The following NCOA6 variants were observed in gnomAD, a reference collection of about 807,000 sequenced individuals.
NCOA6 encodes nuclear receptor coactivator 6.
In NCOA6, 49 loss-of-function variants were observed where a neutral mutation model predicts 171.4. The ratio of observed to expected loss-of-function variants is 0.29; its 90% CI spans 0.23 to 0.36. The LOEUF is 0.36. Among genes scored for constraint, NCOA6 ranks in the 10% least tolerant of loss-of-function variants. The pLI, the probability that NCOA6 is intolerant of heterozygous loss-of-function variation, is 1.00. For missense variants in NCOA6, 2,248 were observed against 2,554.5 expected (o/e 0.88, Z 2.59); for synonymous variants, 910 against 927.5 (o/e 0.98, Z 0.34).
chr20:34,746,372 TG>T (rs2145645492), intron 10 of NCOA6, among the ~76,000 whole-genome samples: 1 of 152,062 alleles, frequency 6.6e-6, no homozygotes, highest in African/African-American at 2.4e-5. Context: ...CCTGAGTAGC[TG>T]GGACTATAGG....
intron 14 of NCOA6, among the ~76,000 whole-genome samples, chr20:34,724,370 T>C (rs756823166): frequency 6.6e-6 from 1 of 152,208 alleles, no homozygotes; most frequent in African/African-American, 2.4e-5. Flanking sequence ...CGTGACATTC[T>C]TGCCTAGAGA....
At position 34,759,932 on chromosome 20, in the gene NCOA6, T is replaced by A. The variant is rs578081945; in HGVS notation, c.515-999A>T. ...GTTTGAGAACTCCTCTTTCTCCATA[T>A]CTGAAAATTTCTGATACTGCTAAAC... On this transcript the variant is annotated intron_variant, in intron 5 of 14. Coordinates refer to ENST00000359003, the MANE Select transcript of NCOA6 (RefSeq NM_014071.5). 5.1e-4 allele frequency among the ~76,000 whole-genome samples: 78 copies of A among 152,298 alleles called. 1 individual carries two copies. Among genetic ancestry groups the A allele is most frequent in the Non-Finnish European group, 8.2e-4 (56 of 68,024 alleles).
At chr20:34,774,593 A>C (rs1475736981) in intron 4 of NCOA6, among the ~76,000 whole-genome samples, 1 of 152,206 alleles carries the variant, frequency 6.6e-6, no homozygotes, top group Non-Finnish European at 1.5e-5. Context: ...GGTTTCATGG[A>C]GCAATTAGGT....
At chr20:34,813,094 G>C in intron 1 of NCOA6, among the ~76,000 whole-genome samples, 1 of 151,630 alleles carries the variant, frequency 6.6e-6, no homozygotes, top group East Asian at 1.9e-4. Context: ...GGGAGGAGGA[G>C]GTTGCAGTGA....
At chr20:34,783,662 T>C (rs1429523797) in intron 2 of NCOA6, among the ~76,000 whole-genome samples, 3 of 152,184 alleles carry the variant, frequency 2.0e-5, no homozygotes, top group African/African-American at 4.8e-5. Flanking sequence ...CTCACTTTTT[T>C]GCCCAGGCTG....
rs756756608 is a variant in NCOA6 at position 34,742,701 on chromosome 20, A to C, written c.3555T>G (p.Pro1185=). 1 of 1,614,066 alleles carries C rather than the reference A, an allele frequency of 6.2e-7. No individual in the cohort carries two copies. Among genetic ancestry groups the C allele is most frequent in the Non-Finnish European group, 8.5e-7 (1 of 1,180,006 alleles). The stretch of plus-strand genomic sequence containing the variant: ...CGTGAGAGCTGGGCAGGGAATTTAC[A>C]GGGGGTTGCTGGGGAGTTGCACCTT... The part of the protein sequence containing the change: ...ATQGATPQQP[P]VNSLPSSHGH... Residue 1185 remains proline, a synonymous_variant, in exon 11 of 15, where the codon CCT becomes CCG. Coordinates refer to ENST00000359003, the MANE Select transcript of NCOA6 (RefSeq NM_014071.5).
chr20:34,778,558 G>A (rs1192779932), intron 3 of NCOA6, among the ~76,000 whole-genome samples: 2 of 151,614 alleles, frequency 1.3e-5, no homozygotes, highest in African/African-American at 4.8e-5. Flanking sequence ...CTCCCGAGTA[G>A]CTGGGACTAT....
chr20:34,813,640 T>G (rs1008335219), intron 1 of NCOA6, among the ~76,000 whole-genome samples: 5 of 152,178 alleles, frequency 3.3e-5, no homozygotes, highest in Non-Finnish European at 7.3e-5. Flanking sequence ...CATAGTATCA[T>G]GATATCTTTA....
chr20:34,783,812 T>G (rs1033792615), intron 2 of NCOA6, among the ~76,000 whole-genome samples: 3 of 152,100 alleles, frequency 2.0e-5, no homozygotes, highest in African/African-American at 7.2e-5. Flanking sequence ...TTAGTAGAGA[T>G]GGGGTTTTGC....
intron 14 of NCOA6, among the ~76,000 whole-genome samples, chr20:34,718,627 TC>T (rs1171615765): frequency 6.6e-6 from 1 of 152,152 alleles, no homozygotes; most frequent in East Asian, 1.9e-4. Context: ...TGCCTCAGCC[TC>T]CCTAGTAGCT....
intron 3 of NCOA6, among the ~76,000 whole-genome samples, chr20:34,779,254 T>A (rs2077446189): frequency 6.6e-6 from 1 of 152,216 alleles, no homozygotes; most frequent in Non-Finnish European, 1.5e-5. Flanking sequence ...CGCATGTCCG[T>A]AATCCCAGCA....
chr20:34,817,451 T>C (rs2078879045), intron 1 of NCOA6, among the ~76,000 whole-genome samples: 1 of 152,060 alleles, frequency 6.6e-6, no homozygotes, highest in South Asian at 2.1e-4. Context: ...GGCCTTCTGC[T>C]TTATAGAGAT....
At chr20:34,787,160 A>C (rs2077711211) in intron 2 of NCOA6, among the ~76,000 whole-genome samples, 1 of 151,140 alleles carries the variant, frequency 6.6e-6, no homozygotes, top group African/African-American at 2.4e-5. Flanking sequence ...GTGCGCTTTC[A>C]GGTCTCCCCT....
chr20:34,818,701 T>TA (rs779740614), intron 1 of NCOA6, among the ~76,000 whole-genome samples: 91 of 152,352 alleles, frequency 6.0e-4, no homozygotes, highest in Admixed American at 1.1e-3. Context: ...TACCATTCTC[T>TA]AGTATCCCAG....
chr20:34,823,079 A>G (rs1186292789), intron 1 of NCOA6, among the ~76,000 whole-genome samples: 1 of 152,234 alleles, frequency 6.6e-6, no homozygotes, highest in African/African-American at 2.4e-5. Flanking sequence ...AAGTATATGC[A>G]TATTAGATTT....
intron 7 of NCOA6, 109 bp from the exon 8 acceptor site, chr20:34,754,977 T>G: frequency 9.1e-7 from 1 of 1,100,168 alleles, no homozygotes; most frequent in Non-Finnish European, 1.3e-6. Flanking sequence ...CTGGCTTAGC[T>G]CTCTCTGTCA....
At position 34,735,706 on chromosome 20, in the gene NCOA6, G is replaced by A. The variant is rs1003601407; in HGVS notation, c.5962+984C>T. On this transcript the variant is annotated intron_variant, in intron 12 of 14. Transcript: ENST00000359003. ...TAGGTGGCTGAAATGTTTTTTGCTC[G>A]CACACTATTTTCAGAGGCCTGATTT... 2.0e-5 allele frequency among the ~76,000 whole-genome samples: 3 copies of A among 151,604 alleles called. No homozygotes were observed. The Middle Eastern group carries it at 0.01, about 519-fold the overall frequency.
At chr20:34,750,631 A>G in intron 8 of NCOA6, 112 bp from the exon 9 acceptor site, 2 of 1,163,664 alleles carry the variant, frequency 1.7e-6, no homozygotes, top group Non-Finnish European at 2.3e-6. Context: ...ATATCCACTG[A>G]CCAACATAAA....
intron 1 of NCOA6, among the ~76,000 whole-genome samples, chr20:34,808,317 A>G (rs1325751914): frequency 6.6e-6 from 1 of 152,020 alleles, no homozygotes; most frequent in Non-Finnish European, 1.5e-5. Context: ...TTCTTAAATC[A>G]AAATATTTTT....
Sources: allele counts gnomAD v4.1 joint callset (sites outside exome capture counted in the v4.1 genomes callset), GRCh38; gene constraint gnomAD v4.1.1; transcripts MANE v1.5; gene names NCBI Gene and HGNC (gene_info 2026-07-23, HGNC 2026-07-21).